Variants in C12orf42 observed in about 807,000 individuals in gnomAD.
C12orf42 encodes uncharacterized protein C12orf42.
A neutral mutation model predicts 21.6 loss-of-function variants in C12orf42; 25 were observed. The observed-to-expected ratio is 1.16, with a 90% CI of 0.84 to 1.62. The LOEUF (loss-of-function observed/expected upper bound fraction) is 1.62, where lower values mean the gene tolerates loss of function less well. Among genes scored for constraint, C12orf42 ranks in the 40% most tolerant of loss-of-function variants. The pLI is 0.00. For synonymous variants in C12orf42, 174 were observed against 175.0 expected (o/e 0.99, Z 0.05); for missense variants, 483 against 459.3 (o/e 1.05, Z -0.47).
rs771435436 is a variant in C12orf42 at position 103,306,086 on chromosome 12, C to A, written c.519G>T (p.Lys173Asn). Residue 173 changes from lysine to asparagine, a missense_variant, in exon 5 of 6, where the codon AAG (lysine) becomes AAT (asparagine). Physicochemically the swap from Lys to Asn is moderately conservative, Grantham distance 94. Coordinates refer to ENST00000548883, the MANE Select transcript of C12orf42 (RefSeq NM_198521.5). ...GATTTACTGAGTGTGCCCAGTTAGG[C>A]TTTTTAACCAGTTGTTCCAAAAATG... ...NSSFLEQLVK[K>N]PNWAHSVNPV... is the part of the protein sequence containing the mutation. 3.1e-6 allele frequency: 5 copies of A among 1,613,954 alleles called. No homozygotes were observed. The highest frequency in any genetic ancestry group is 1.7e-5 in the Admixed American group (1 of 60,018).
the C12orf42 span, among the ~76,000 whole-genome samples, chr12:103,050,739 G>C: frequency 6.6e-6 from 1 of 151,806 alleles, no homozygotes; most frequent in African/African-American, 2.4e-5. Flanking sequence ...TAGATATTAT[G>C]GCAGGGATAT....
intron 2 of C12orf42, among the ~76,000 whole-genome samples, chr12:103,402,946 T>C (rs1349467298): frequency 6.6e-6 from 1 of 152,200 alleles, no homozygotes; most frequent in Non-Finnish European, 1.5e-5. Flanking sequence ...GCATTTGTAC[T>C]GCCTGTCAAA....
At chr12:103,196,825 G>T in the C12orf42 span, among the ~76,000 whole-genome samples, 12 of 151,946 alleles carry the variant, frequency 7.9e-5, no homozygotes, top group African/African-American at 2.9e-4. Flanking sequence ...ATGTGAGAGG[G>T]TCTCATGAAG....
At chr12:103,245,308 G>A (rs2136179731) in intron 10 of C12orf42, among the ~76,000 whole-genome samples, 1 of 152,168 alleles carries the variant, frequency 6.6e-6, no homozygotes, top group East Asian at 1.9e-4. Flanking sequence ...CTTGGTTCCA[G>A]TTCTCTTACC....
At chr12:103,478,757 C>A (rs1437376456) in intron 1 of C12orf42, among the ~76,000 whole-genome samples, 2 of 151,924 alleles carry the variant, frequency 1.3e-5, no homozygotes, top group Non-Finnish European at 2.9e-5. Flanking sequence ...GTGGTGCTTG[C>A]TTTGGTTGGC....
At chr12:103,120,585 A>G in the C12orf42 span, among the ~76,000 whole-genome samples, 2 of 152,098 alleles carry the variant, frequency 1.3e-5, no homozygotes, top group Non-Finnish European at 2.9e-5. Context: ...CTATTTCTCC[A>G]TGCTTCACTT....
downstream of C12orf42, among the ~76,000 whole-genome samples, chr12:103,264,617 C>T (rs1176515893): frequency 6.6e-6 from 1 of 152,160 alleles, no homozygotes; most frequent in East Asian, 1.9e-4. Flanking sequence ...TGACATTGCC[C>T]ATTCAACAAA....
intron 4 of C12orf42, among the ~76,000 whole-genome samples, chr12:103,353,693 G>A (rs2043289176): frequency 6.6e-6 from 1 of 152,084 alleles, no homozygotes; most frequent in Non-Finnish European, 1.5e-5. Context: ...CCCCCCAAAT[G>A]CAAATTTCTG....
the C12orf42 span, among the ~76,000 whole-genome samples, chr12:103,551,223 T>C: frequency 1.1e-5 from 1 of 95,146 alleles, no homozygotes; most frequent in East Asian, 5.2e-4. Flanking sequence ...TTGATTCTGA[T>C]TCAATACCAT....
the C12orf42 span, among the ~76,000 whole-genome samples, chr12:103,229,999 G>A: frequency 6.6e-6 from 1 of 152,186 alleles, no homozygotes; most frequent in Admixed American, 6.5e-5. Context: ...ATTTGATAAA[G>A]TTTGAGTTTA....
chr12:103,556,541 G>T, the C12orf42 span, among the ~76,000 whole-genome samples: 2 of 152,194 alleles, frequency 1.3e-5, no homozygotes, highest in African/African-American at 2.4e-5. Context: ...TTCTGAGGAA[G>T]GACAGAAAGG....
chr12:103,306,487 G>A, intron 4 of C12orf42, 142 bp from the exon 5 acceptor site: 1 of 982,740 alleles, frequency 1.0e-6, no homozygotes, highest in Non-Finnish European at 1.5e-6. Flanking sequence ...GACAGACTAG[G>A]GTAGCTGAGT....
downstream of C12orf42, among the ~76,000 whole-genome samples, chr12:103,265,578 A>T (rs2035124768): frequency 6.6e-6 from 1 of 152,220 alleles, no homozygotes; most frequent in Non-Finnish European, 1.5e-5. Context: ...AGCTCCAAGG[A>T]TAGAAAGAAG....
chr12:103,545,634 T>C, the C12orf42 span, among the ~76,000 whole-genome samples: 16 of 152,320 alleles, frequency 1.1e-4, 1 homozygote, highest in African/African-American at 3.6e-4. Context: ...AAAAAATGCA[T>C]TGATGGTTTA....
At chr12:103,248,521 T>C (rs11832941) in intron 10 of C12orf42, among the ~76,000 whole-genome samples, 26 of 152,194 alleles carry the variant, frequency 1.7e-4, no homozygotes, top group African/African-American at 5.8e-4. Context: ...AAGTTGTCTT[T>C]CAAATGTCGT....
intron 3 of C12orf42, among the ~76,000 whole-genome samples, chr12:103,392,705 A>G (rs908068831): frequency 1.4e-4 from 21 of 152,216 alleles, no homozygotes; most frequent in African/African-American, 3.9e-4. Context: ...TTTGTTTATT[A>G]GCTCTAACTC....
the C12orf42 span, among the ~76,000 whole-genome samples, chr12:103,086,685 A>G: frequency 6.6e-6 from 1 of 151,914 alleles, no homozygotes; most frequent in South Asian, 2.1e-4. Context: ...TGAAACCCCA[A>G]TAACTCAAGG....
At chr12:103,119,457 G>T in the C12orf42 span, among the ~76,000 whole-genome samples, 1 of 152,100 alleles carries the variant, frequency 6.6e-6, no homozygotes, top group Non-Finnish European at 1.5e-5. Flanking sequence ...GCTGTATCTG[G>T]ACCTATGCCT....
chr12:103,418,010 A>T (rs1442194827), intron 2 of C12orf42, among the ~76,000 whole-genome samples: 1 of 152,346 alleles, frequency 6.6e-6, no homozygotes, highest in East Asian at 1.9e-4. Flanking sequence ...TCATAGAGAC[A>T]TTTTTAAAAG....
Sources: allele counts gnomAD v4.1 joint callset (sites outside exome capture counted in the v4.1 genomes callset), GRCh38; gene constraint gnomAD v4.1.1; transcripts MANE v1.5; gene names NCBI Gene and HGNC (gene_info 2026-07-23, HGNC 2026-07-21).